The following VAT1L variants were observed in gnomAD, a reference collection of about 807,000 sequenced individuals.
VAT1L encodes vesicle amine transport 1 like, also known as putative NADPH-dependent quinone oxidoreductase VAT1L.
VAT1L carries 34 observed loss-of-function variants against 44.1 expected under a neutral mutation model. That is an observed-to-expected ratio of 0.77 (90% CI 0.59 to 1.03). VAT1L has a LOEUF of 1.03. Ranked by LOEUF, VAT1L falls within the 50% of genes least tolerant of loss-of-function variation. The pLI is 0.00. For missense variants in VAT1L, 615 were observed against 538.8 expected, an observed-to-expected ratio of 1.14 and a Z score of -1.40; for synonymous variants, 253 against 202.2, an observed-to-expected ratio of 1.25 and a Z score of -2.13.
rs2018376825 is a variant in VAT1L at position 77,979,492 on chromosome 16, G to C, written c.*1797G>C. ...CATGCTGAAAAGGGGGTCTTAGGGA[G>C]AACTGTCATCCAAGTGGCATTCCTA... On this transcript the variant is annotated 3_prime_UTR_variant, in exon 9 of 9. Transcript: ENST00000302536. 6.6e-6 allele frequency: 1 copy of C among 152,152 alleles called. No individual in the cohort carries two copies. Among genetic ancestry groups the C allele is most frequent in the Non-Finnish European group, 1.5e-5 (1 of 68,038 alleles). 9.4% of individuals were successfully genotyped at this position (152,152 alleles called of 1,614,324 possible).
intron 3 of VAT1L, among the ~76,000 whole-genome samples, chr16:77,852,745 G>A (rs1274948314): frequency 6.6e-5 from 10 of 152,170 alleles, no homozygotes; most frequent in Admixed American, 6.5e-4. Flanking sequence ...TTGGCCTACA[G>A]ATCCACAACT....
At chr16:77,898,833 A>G (rs1386433633) in intron 7 of VAT1L, among the ~76,000 whole-genome samples, 2 of 152,214 alleles carry the variant, frequency 1.3e-5, no homozygotes, top group Non-Finnish European at 2.9e-5. Context: ...GAGCTGCTTT[A>G]TGGAACAGAA....
chr16:77,945,766 G>C (rs957931314), intron 7 of VAT1L, among the ~76,000 whole-genome samples: 1 of 145,018 alleles, frequency 6.9e-6, no homozygotes, highest in Non-Finnish European at 1.5e-5. Flanking sequence ...ATGGGGATTT[G>C]TTCTTTGTTT....
chr16:77,837,635 G>C (rs1362810588), intron 3 of VAT1L, among the ~76,000 whole-genome samples: 3 of 152,130 alleles, frequency 2.0e-5, no homozygotes, highest in African/African-American at 7.2e-5. Flanking sequence ...TTATAAAAAT[G>C]GTATGAAACT....
At chr16:77,795,805 T>C (rs1248996345) in intron 1 of VAT1L, among the ~76,000 whole-genome samples, 4 of 139,324 alleles carry the variant, frequency 2.9e-5, no homozygotes, top group Non-Finnish European at 4.6e-5. Context: ...CTTAGCTCCC[T>C]TTTTTCTCTT....
chr16:77,826,935 G>A (rs16946564), intron 3 of VAT1L, among the ~76,000 whole-genome samples: 4,005 of 152,198 alleles, frequency 0.026, 75 homozygotes, highest in Middle Eastern at 0.082. Flanking sequence ...CTAGCATACC[G>A]TTGATTTTAA....
chr16:77,855,874 C>T (rs746463596), intron 3 of VAT1L, among the ~76,000 whole-genome samples: 61 of 152,128 alleles, frequency 4.0e-4, no homozygotes, highest in Non-Finnish European at 6.5e-4. Flanking sequence ...AAAAATTAGC[C>T]GGGCATGGTG....
intron 7 of VAT1L, among the ~76,000 whole-genome samples, chr16:77,927,469 C>A (rs1330573045): frequency 6.6e-6 from 1 of 152,096 alleles, no homozygotes; most frequent in African/African-American, 2.4e-5. Flanking sequence ...CCAATTGATC[C>A]ATCTCCAGAA....
In VAT1L at chr16:77,818,828, G is replaced by C. The variant is rs534270664; in HGVS notation, c.363+1778G>C. On this transcript the variant is annotated intron_variant, in intron 2 of 8. Coordinates refer to ENST00000302536, the MANE Select transcript of VAT1L (RefSeq NM_020927.3). ...GTGATATGGGAGAAAACTGACACTA[G>C]TATTCCATCTATAATTTTGACTTAA... Among the ~76,000 whole-genome samples, 3 of 152,238 alleles carry C rather than the reference G, an allele frequency of 2.0e-5. No homozygotes were observed. The South Asian group carries it at 6.2e-4, about 32-fold the overall frequency.
intron 1 of VAT1L, among the ~76,000 whole-genome samples, chr16:77,807,845 A>G (rs558349143): frequency 1.3e-5 from 2 of 152,290 alleles, no homozygotes; most frequent in Non-Finnish European, 2.9e-5. Context: ...AACCCACTTG[A>G]GGAGGAGCCA....
At chr16:77,792,019 T>A (rs2015844167) in intron 1 of VAT1L, among the ~76,000 whole-genome samples, 1 of 152,156 alleles carries the variant, frequency 6.6e-6, no homozygotes, top group Non-Finnish European at 1.5e-5. Flanking sequence ...CCTCATCTCT[T>A]CCTATCCATA....
chr16:77,968,171 G>T lies in VAT1L; in HGVS notation c.1078-3679G>T, dbSNP rs532452841. On this transcript the variant is annotated intron_variant, in intron 7 of 8. Coordinates refer to ENST00000302536, the MANE Select transcript of VAT1L (RefSeq NM_020927.3). ...CCAGTTTCTGTGAGTGGGGAATCTG[G>T]GCACAGCTTAGTTGGTCCTTTGATT... Among the ~76,000 whole-genome samples the T allele has an allele frequency of 8.5e-5, 13 of 152,144 alleles. No individual in the cohort carries two copies. The East Asian group carries it at 2.5e-3, about 29-fold the overall frequency.
At chr16:77,936,962 G>T (rs1314803663) in intron 7 of VAT1L, among the ~76,000 whole-genome samples, 1 of 152,124 alleles carries the variant, frequency 6.6e-6, no homozygotes, top group Non-Finnish European at 1.5e-5. Context: ...TTGGCTCAGT[G>T]CATCCTCCAC....
intron 7 of VAT1L, among the ~76,000 whole-genome samples, chr16:77,961,196 G>C (rs1368103975): frequency 6.6e-6 from 1 of 152,108 alleles, no homozygotes; most frequent in Non-Finnish European, 1.5e-5. Context: ...TTTGTTGGCT[G>C]CACGTCTATT....
At chr16:77,945,603 A>G (rs1375316266) in intron 7 of VAT1L, among the ~76,000 whole-genome samples, 3 of 151,360 alleles carry the variant, frequency 2.0e-5, no homozygotes, top group East Asian at 3.9e-4. Flanking sequence ...ACTTTTTTCA[A>G]TTGTTATTTT....
intron 1 of VAT1L, among the ~76,000 whole-genome samples, chr16:77,803,780 G>A (rs957020532): frequency 6.6e-6 from 1 of 152,072 alleles, no homozygotes; most frequent in African/African-American, 2.4e-5. Flanking sequence ...AGGAAAAATG[G>A]ACTATTTCTC....
intron 3 of VAT1L, among the ~76,000 whole-genome samples, chr16:77,844,007 G>A (rs2016733024): frequency 6.6e-6 from 1 of 152,188 alleles, no homozygotes; most frequent in Non-Finnish European, 1.5e-5. Flanking sequence ...CTAGGTATCT[G>A]GAATACAATG....
chr16:77,896,788 C>T (rs2017329411), intron 7 of VAT1L, among the ~76,000 whole-genome samples: 1 of 152,240 alleles, frequency 6.6e-6, no homozygotes, highest in Non-Finnish European at 1.5e-5. Context: ...AGTCTGGGAG[C>T]TCAGCTCTGA....
Position 77,924,091 on chromosome 16 carries a change from T to C in VAT1L, c.1077+39289T>C, listed in dbSNP as rs563081722. On this transcript the variant is annotated intron_variant, in intron 7 of 8. Transcript: ENST00000302536. ...GATTCAACATCTCTGAACCTCCTTG[T>C]CTCCATGTGTACATAATACAGATGT... 2.0e-5 allele frequency among the ~76,000 whole-genome samples: 3 copies of C among 152,290 alleles called. No individual in the cohort carries two copies. The South Asian group carries it at 6.2e-4, about 32-fold the overall frequency.
Sources: gnomAD v4.1 joint callset for allele counts (sites outside exome capture counted in the v4.1 genomes callset) on GRCh38, gnomAD v4.1.1 for gene constraint, MANE v1.5 for transcripts, NCBI Gene and HGNC (gene_info 2026-07-23, HGNC 2026-07-21) for gene names.